The following VIPAS39 variants were observed in gnomAD, a reference collection of about 807,000 sequenced individuals.
VIPAS39 encodes spermatogenesis-defective protein 39 homolog.
Under a neutral mutation model 84.7 loss-of-function variants are expected in VIPAS39, and 63 were observed. The observed-to-expected ratio is 0.74, with a 90% confidence interval of 0.61 to 0.92. The LOEUF is 0.92. VIPAS39 is among the 40% of genes least tolerant of loss of function. The probability of loss-of-function intolerance (pLI) is 0.00; values close to 1 mark genes in which losing one functional copy is unlikely to be tolerated. For missense variants in VIPAS39, 499 were observed against 604.5 expected (o/e 0.83, Z 1.83); for synonymous variants, 192 against 216.5 (o/e 0.89, Z 0.99).
rs370604803 is a variant in VIPAS39 at position 77,442,599 on chromosome 14, T to C, written c.695A>G (p.Lys232Arg). The stretch of plus-strand genomic sequence containing the variant: ...AAGCAACTTTTGATCCCCTATTTCC[T>C]TAAGGAAGTGAATAAGATGTCTCAG... ...VALRHLIHFL[K>R]EIGDQKLLLD... The change falls in exon 10 of 20, where the codon AAG becomes AGG. Residue 232 changes from lysine to arginine, a missense_variant. Transcript: ENST00000557658. 1.2e-6 allele frequency: 2 copies of C among 1,614,210 alleles called. No homozygotes were observed. The highest frequency in any genetic ancestry group is 1.3e-5 in the African/African-American group (1 of 75,046).
At chr14:77,448,574 T>A (rs1566736318) in intron 6 of VIPAS39, 24 bp from the exon 7 acceptor site, 1 of 1,613,632 alleles carries the variant, frequency 6.2e-7, no homozygotes, top group South Asian at 1.1e-5. Context: ...AATACGTGAA[T>A]CCCAGGAAGT....
chr14:77,428,554 C>T, intron 18 of VIPAS39, 80 bp from the exon 19 acceptor site: 1 of 1,259,498 alleles, frequency 7.9e-7, no homozygotes, highest in Admixed American at 1.8e-5. Flanking sequence ...TCTCAAACTC[C>T]TGGGCTCAAG....
At chr14:77,432,104 T>C (rs1332597856) in intron 16 of VIPAS39, among the ~76,000 whole-genome samples, 1 of 152,198 alleles carries the variant, frequency 6.6e-6, no homozygotes, top group Admixed American at 6.5e-5. Context: ...GAGTAGATTT[T>C]AGCTGTTTTT....
intron 7 of VIPAS39, 35 bp from the exon 8 acceptor site, chr14:77,444,376 G>C: frequency 6.4e-7 from 1 of 1,571,436 alleles, no homozygotes; most frequent in Non-Finnish European, 8.7e-7. Context: ...TACACAAGAA[G>C]ACAGTTTTCT....
chr14:77,442,754 T>C (rs1373610990), intron 9 of VIPAS39, 92 bp from the exon 10 acceptor site: 9 of 1,150,862 alleles, frequency 7.8e-6, no homozygotes, highest in Middle Eastern at 1.9e-4. Flanking sequence ...CCAAATATTA[T>C]CTCATCAAAC....
At chr14:77,438,025 G>A in intron 11 of VIPAS39, 144 bp from the exon 12 acceptor site, 2 of 744,940 alleles carry the variant, frequency 2.7e-6, no homozygotes, top group Non-Finnish European at 2.3e-6. Flanking sequence ...GGGGGGATAG[G>A]CAAAGAGTGA....
chr14:77,440,616 G>A (rs1159129523), intron 11 of VIPAS39: 1 of 166,232 alleles, frequency 6.0e-6, no homozygotes, highest in African/African-American at 2.4e-5. Context: ...TACATCATTT[G>A]GATTAAGTTT....
intron 1 of VIPAS39, among the ~76,000 whole-genome samples, chr14:77,454,844 G>C (rs888408105): frequency 1.3e-5 from 2 of 152,090 alleles, no homozygotes; most frequent in Non-Finnish European, 2.9e-5. Flanking sequence ...GCACAAAACA[G>C]ACAAAAATTG....
At chr14:77,430,170 CT>C (rs2078498649) in intron 16 of VIPAS39, among the ~76,000 whole-genome samples, 1 of 152,006 alleles carries the variant, frequency 6.6e-6, no homozygotes, top group Admixed American at 6.6e-5. Flanking sequence ...CAGTGTTTGC[CT>C]TGAGAAAGGG....
At position 77,444,369 on chromosome 14, in the gene VIPAS39, A is replaced by C. The variant is rs1466238632; in HGVS notation, c.505-28T>G. ...GGCAGAATAACACTAGAATTAGTAC[A>C]CAAGAAGACAGTTTTCTTTATTCCT... On this transcript the variant is annotated intron_variant, in intron 7 of 19. Coordinates refer to ENST00000557658, the MANE Select transcript of VIPAS39 (RefSeq NM_001193315.2). The C allele has an allele frequency of 1.9e-6, 3 of 1,584,744 alleles. No homozygotes were observed. In the African/African-American group the frequency reaches 4.0e-5, roughly 21 times the overall value.
chr14:77,434,265 A>C lies in VIPAS39; in HGVS notation c.1086T>G (p.Phe362Leu). 1 of 1,614,078 alleles carries C rather than the reference A, an allele frequency of 6.2e-7. No homozygotes were observed. The highest frequency in any genetic ancestry group is 8.5e-7 in the Non-Finnish European group (1 of 1,179,978). The change falls in exon 15 of 20, where the codon TTT becomes TTG. Residue 362 changes from phenylalanine (F) to leucine (L), a missense_variant. Physicochemically the swap from Phe to Leu is conservative, Grantham distance 22 (BLOSUM62 0). Coordinates refer to ENST00000557658, the MANE Select transcript of VIPAS39 (RefSeq NM_001193315.2). Reference sequence around the variant, plus strand: ...ACACTGACCAATTTGTATCTACCTTAAATGTCTTCTTCAGGTTGACGGGAC... The same window carrying C: ...ACACTGACCAATTTGTATCTACCTTCAATGTCTTCTTCAGGTTGACGGGAC... ...FSSPVNLKKTFKIPDKQYVLT... is the reference protein window; with the variant it reads ...FSSPVNLKKTLKIPDKQYVLT...
intron 12 of VIPAS39, 85 bp from the exon 13 acceptor site, chr14:77,436,004 A>T: frequency 7.2e-7 from 1 of 1,390,138 alleles, no homozygotes; most frequent in Non-Finnish European, 1.0e-6. Flanking sequence ...GCATAAGTAT[A>T]AGAGGCTCAC....
At chr14:77,448,186 C>T (rs2078826234) in intron 7 of VIPAS39, among the ~76,000 whole-genome samples, 1 of 149,504 alleles carries the variant, frequency 6.7e-6, no homozygotes, top group Admixed American at 6.7e-5. Context: ...GATCTCTTGA[C>T]CTCGTGATCC....
rs1461877980 is a variant in VIPAS39, at chr14:77,435,926, G to C, written c.837-7C>G. ...TTCTGCTGAAAATGGCAAACTGGTAGAGTGCCAGAAGGTTAGTACCTTTCT... is the reference window on the plus strand; with the variant it reads ...TTCTGCTGAAAATGGCAAACTGGTACAGTGCCAGAAGGTTAGTACCTTTCT... On this transcript the variant is annotated splice_region_variant and splice_polypyrimidine_tract_variant and intron_variant, in intron 12 of 19. Coordinates refer to ENST00000557658, the MANE Select transcript of VIPAS39 (RefSeq NM_001193315.2). The C allele has an allele frequency of 6.2e-7, 1 of 1,614,086 alleles. No homozygotes were observed. The highest frequency in any genetic ancestry group is 1.1e-5 in the South Asian group (1 of 91,082).
chr14:77,435,417 A>AG (rs993911458), intron 13 of VIPAS39, 24 bp from the exon 14 acceptor site: 3 of 1,561,736 alleles, frequency 1.9e-6, no homozygotes, highest in African/African-American at 1.4e-5. Flanking sequence ...AGCCAAGTGA[A>AG]AAAAAAAAAA....
intron 3 of VIPAS39, among the ~76,000 whole-genome samples, chr14:77,452,154 G>A (rs183854141): frequency 6.6e-6 from 1 of 152,150 alleles, no homozygotes; most frequent in East Asian, 1.9e-4. Flanking sequence ...GAGAAAATGA[G>A]AACACTCTTT....
intron 8 of VIPAS39, 44 bp from the exon 9 acceptor site, chr14:77,443,196 G>A: frequency 6.2e-7 from 1 of 1,613,214 alleles, no homozygotes; most frequent in Non-Finnish European, 8.5e-7. Context: ...TTCCAACACA[G>A]AGTCATGCCC....
chr14:77,443,212 A>G, intron 8 of VIPAS39, 60 bp from the exon 9 acceptor site: 6 of 1,597,132 alleles, frequency 3.8e-6, no homozygotes, highest in Non-Finnish European at 5.2e-6. Context: ...TGCCCTGAGC[A>G]CTACAGACAC....
At chr14:77,448,463 AAAG>A in intron 7 of VIPAS39, 28 bp downstream of exon 7, 1 of 1,612,564 alleles carries the variant, frequency 6.2e-7, no homozygotes, top group East Asian at 2.2e-5. Flanking sequence ...CCAGCTTCCC[AAAG>A]AACCTCACAA....
Sources: gnomAD v4.1 joint callset for allele counts (sites outside exome capture counted in the v4.1 genomes callset) on GRCh38, gnomAD v4.1.1 for gene constraint, MANE v1.5 for transcripts, NCBI Gene and HGNC (gene_info 2026-07-23, HGNC 2026-07-21) for gene names.